Variants in FANCA observed in about 807,000 individuals in gnomAD.
FANCA encodes the protein FA complementation group A.
FANCA carries 236 observed loss-of-function variants against 194.3 expected under a neutral mutation model. That is an observed-to-expected ratio of 1.21 (90% CI 1.09 to 1.35). The LOEUF (loss-of-function observed/expected upper bound fraction) is 1.35. FANCA is among the 40% of genes most tolerant of loss of function. The probability of loss-of-function intolerance (pLI) is 0.00; values close to 1 mark genes in which losing one functional copy is unlikely to be tolerated. For synonymous variants in FANCA, 1,014 were observed against 715.8 expected (o/e 1.42, Z -6.65); for missense variants, 2,628 against 1,813.9 (o/e 1.45, Z -8.15).
intron 2 of FANCA, among the ~76,000 whole-genome samples, chr16:89,815,554 C>T (rs2041077670): frequency 6.6e-6 from 1 of 152,046 alleles, no homozygotes; most frequent in Non-Finnish European, 1.5e-5. Context: ...CCGGGTTTCA[C>T]TATGTTGGCC....
At chr16:89,771,531 T>A in intron 23 of FANCA, 147 bp downstream of exon 23, 3 of 841,394 alleles carry the variant, frequency 3.6e-6, no homozygotes, top group Middle Eastern at 6.6e-4. Flanking sequence ...CTGACCCTGG[T>A]ACACCGCTGC....
At chr16:89,751,329 G>A (rs1460084499) in intron 31 of FANCA, among the ~76,000 whole-genome samples, 3 of 152,074 alleles carry the variant, frequency 2.0e-5, no homozygotes, top group Non-Finnish European at 2.9e-5. Context: ...GCAAAACTCC[G>A]TCTCTACAAA....
intron 5 of FANCA, among the ~76,000 whole-genome samples, chr16:89,809,251 T>C (rs2040784442): frequency 6.6e-6 from 1 of 151,978 alleles, no homozygotes; most frequent in African/African-American, 2.4e-5. Flanking sequence ...CTTTCCTAAC[T>C]CTCCAATCTG....
At chr16:89,756,172 G>C (rs117186138) in intron 30 of FANCA, among the ~76,000 whole-genome samples, 1,608 of 152,286 alleles carry the variant, frequency 0.011, 13 homozygotes, top group Non-Finnish European at 0.017. Flanking sequence ...TGCAGTACAT[G>C]AATGTGACCC....
chr16:89,784,396 A>C (rs1396524038), intron 15 of FANCA, among the ~76,000 whole-genome samples: 1 of 149,720 alleles, frequency 6.7e-6, no homozygotes, highest in Non-Finnish European at 1.5e-5. Context: ...AAAACAAAAA[A>C]ACAAAAAAAA....
At chr16:89,761,420 G>GAAAAAAAAA (rs56659330) in intron 29 of FANCA, among the ~76,000 whole-genome samples, 18 of 95,578 alleles carry the variant, frequency 1.9e-4, no homozygotes, top group South Asian at 3.3e-4. Flanking sequence ...CTCTGTCTCA[G>GAAAAAAAAA]AAAAAAAAAA....
At chr16:89,746,714 T>C (rs1357008564) in intron 34 of FANCA, 26 bp from the exon 35 acceptor site, 2 of 1,607,306 alleles carry the variant, frequency 1.2e-6, no homozygotes, top group Non-Finnish European at 1.7e-6. Flanking sequence ...CAGCAGGAGG[T>C]CAGCGGTTTG....
intron 26 of FANCA, among the ~76,000 whole-genome samples, chr16:89,768,772 C>T (rs568838383): frequency 1.4e-4 from 22 of 152,294 alleles, no homozygotes; most frequent in African/African-American, 4.1e-4. Context: ...CAGTATTTTG[C>T]TTTCTTCACC....
chr16:89,761,013 G>A (rs971082346), intron 29 of FANCA, among the ~76,000 whole-genome samples: 6 of 152,164 alleles, frequency 3.9e-5, no homozygotes, highest in African/African-American at 1.4e-4. Context: ...GGTGCCATAT[G>A]GGCAGGCTTG....
At chr16:89,776,169 T>G (rs915882901) in intron 20 of FANCA, among the ~76,000 whole-genome samples, 1 of 138,696 alleles carries the variant, frequency 7.2e-6, no homozygotes, top group Non-Finnish European at 1.6e-5. Flanking sequence ...CTTTTTTTTT[T>G]TTTTTTTTTT....
chr16:89,783,216 T>C, intron 15 of FANCA, 114 bp from the exon 16 acceptor site: 2 of 802,642 alleles, frequency 2.5e-6, no homozygotes, highest in East Asian at 2.6e-5. Context: ...CACAGCCCTT[T>C]ACAGTCAGAC....
At chr16:89,744,063 C>T (rs931120455) in intron 36 of FANCA, among the ~76,000 whole-genome samples, 1 of 151,978 alleles carries the variant, frequency 6.6e-6, no homozygotes, top group African/African-American at 2.4e-5. Flanking sequence ...ACACCCAGCT[C>T]ATTTCTGTAT....
chr16:89,746,829 A>G lies in FANCA; in HGVS notation c.3408+2T>C. On this transcript the variant is annotated splice_donor_variant, in intron 34 of 42. Transcript: ENST00000389301. LOFTEE classifies it high-confidence loss of function. The stretch of plus-strand genomic sequence containing the variant: ...ACGAGAGGGGCTGAGGGAGCATCTC[A>G]CCCTGAAGAAGTGGGCAGTGATGTC... The G allele has an allele frequency of 1.9e-6, 3 of 1,565,554 alleles. No individual in the cohort carries two copies. The South Asian group carries it at 3.5e-5, about 18-fold the overall frequency.
At chr16:89,814,649 A>T in intron 2 of FANCA, 36 bp from the exon 3 acceptor site, 1 of 1,535,820 alleles carries the variant, frequency 6.5e-7, no homozygotes, top group South Asian at 1.1e-5. Context: ...CATTTAAAAA[A>T]TTCAAGCTCC....
At chr16:89,798,880 G>A (rs564841975) in intron 10 of FANCA, 43 of 1,570,310 alleles carry the variant, frequency 2.7e-5, no homozygotes, top group Middle Eastern at 2.3e-4. Flanking sequence ...CACAGGAGGA[G>A]GTCACAGTGA....
At chr16:89,805,788 C>T (rs554010935) in intron 6 of FANCA, among the ~76,000 whole-genome samples, 1 of 152,152 alleles carries the variant, frequency 6.6e-6, no homozygotes, top group Admixed American at 6.6e-5. Context: ...TGTTAACTTT[C>T]AAATATTGTG....
chr16:89,745,752 T>C (rs1224923963), intron 35 of FANCA, among the ~76,000 whole-genome samples: 2 of 138,428 alleles, frequency 1.4e-5, no homozygotes, highest in African/African-American at 2.9e-5. Flanking sequence ...GGGACCACAC[T>C]GCCCTGAGCT....
In FANCA at chr16:89,773,308, C is replaced by A; in HGVS notation, c.1977G>T (p.Glu659Asp). ...TGGGGTCTGTCATGGAGGCTCTCAG[C>A]TCTCCCAGTGCAGCTGTGAGCTGTC... Reference protein sequence around the residue: ...PLGQLTAALGELRASMTDPSQ... With the variant: ...PLGQLTAALGDLRASMTDPSQ... Residue 659 changes from glutamate to aspartate, a missense_variant, in exon 22 of 43, where the codon GAG becomes GAT. Coordinates refer to ENST00000389301, the MANE Select transcript of FANCA (RefSeq NM_000135.4). 1 of 1,551,490 alleles carries A rather than the reference C, an allele frequency of 6.4e-7. No individual in the cohort carries two copies. The highest frequency in any genetic ancestry group is 8.7e-7 in the Non-Finnish European group (1 of 1,146,968).
intron 29 of FANCA, among the ~76,000 whole-genome samples, chr16:89,760,222 G>A (rs3819574): frequency 0.06 from 9,132 of 152,338 alleles, 421 homozygotes; most frequent in East Asian, 0.22. Context: ...GAGAGCAGCC[G>A]GGAGGAGAAA....
Sources: gnomAD v4.1 joint callset for allele counts (sites outside exome capture counted in the v4.1 genomes callset) on GRCh38, gnomAD v4.1.1 for gene constraint, MANE v1.5 for transcripts, NCBI Gene and HGNC (gene_info 2026-07-23, HGNC 2026-07-21) for gene names.